Variants in MARCHF1 observed in about 807,000 individuals in gnomAD.
The protein encoded by MARCHF1 is membrane associated ring-CH-type finger 1.
A neutral mutation model predicts 54.2 loss-of-function variants in MARCHF1; 40 were observed. The ratio of observed to expected loss-of-function variants is 0.74; its 90% CI spans 0.57 to 0.96. The LOEUF (loss-of-function observed/expected upper bound fraction) is 0.96. MARCHF1 is among the 40% of genes least tolerant of loss of function. MARCHF1 has a pLI of 0.00. For synonymous variants in MARCHF1, 236 were observed against 236.3 expected (o/e 1.00, Z 0.01); for missense variants, 586 against 656.5 (o/e 0.89, Z 1.17).
intron 1 of MARCHF1, among the ~76,000 whole-genome samples, chr4:164,159,568 G>GA (rs1291666838): frequency 6.6e-6 from 1 of 152,076 alleles, no homozygotes; most frequent in Middle Eastern, 3.2e-3. Flanking sequence ...AAATGATGAG[G>GA]AAAGTAATGT....
chr4:163,987,076 A>G (rs1004789574), intron 3 of MARCHF1, among the ~76,000 whole-genome samples: 5 of 152,224 alleles, frequency 3.3e-5, no homozygotes, highest in African/African-American at 1.2e-4. Flanking sequence ...ACCTATTTGC[A>G]GAATTGATCA....
chr4:164,258,270 ATAGTAT>A (rs996746605), intron 1 of MARCHF1, among the ~76,000 whole-genome samples: 2 of 152,026 alleles, frequency 1.3e-5, no homozygotes, highest in African/African-American at 4.8e-5. Context: ...TAAGAGAGAA[ATAGTAT>A]TAGGAGAAAT....
chr4:163,849,502 G>T (rs1158574716), intron 4 of MARCHF1, among the ~76,000 whole-genome samples: 4 of 152,094 alleles, frequency 2.6e-5, no homozygotes, highest in Non-Finnish European at 5.9e-5. Context: ...TACCAAAGAA[G>T]GAATGCATTT....
At chr4:163,669,676 A>G (rs187641457) in intron 5 of MARCHF1, among the ~76,000 whole-genome samples, 2 of 150,718 alleles carry the variant, frequency 1.3e-5, no homozygotes, top group African/African-American at 2.4e-5. Context: ...TTGGCTCACT[A>G]CAACCTCTGC....
At chr4:164,130,591 C>G (rs562288903) in intron 1 of MARCHF1, among the ~76,000 whole-genome samples, 5 of 152,262 alleles carry the variant, frequency 3.3e-5, no homozygotes, top group Non-Finnish European at 5.9e-5. Flanking sequence ...CTAAACAATG[C>G]TTTGTCCTTA....
chr4:164,172,694 C>T (rs979057365), intron 1 of MARCHF1, among the ~76,000 whole-genome samples: 1 of 152,148 alleles, frequency 6.6e-6, no homozygotes, highest in African/African-American at 2.4e-5. Flanking sequence ...AAAGTCACTA[C>T]AGGCTGGGCG....
intron 3 of MARCHF1, among the ~76,000 whole-genome samples, chr4:163,918,952 T>C (rs756675506): frequency 7.2e-5 from 11 of 152,116 alleles, no homozygotes; most frequent in Non-Finnish European, 1.6e-4. Flanking sequence ...TGAATATATG[T>C]GAAACTAAGA....
chr4:163,981,689 C>G (rs573047038), intron 3 of MARCHF1, among the ~76,000 whole-genome samples: 2 of 152,308 alleles, frequency 1.3e-5, no homozygotes, highest in Admixed American at 1.3e-4. Flanking sequence ...CTGGCATTGT[C>G]AGTGCTCCCT....
intron 5 of MARCHF1, among the ~76,000 whole-genome samples, chr4:163,642,037 C>T (rs895980975): frequency 6.6e-6 from 1 of 152,194 alleles, no homozygotes. Flanking sequence ...CTGCCTCATT[C>T]TTCAGTGATC....
At position 163,736,917 on chromosome 4, in the gene MARCHF1, C is replaced by T. The variant is rs961025204; in HGVS notation, c.112-36054G>A. On this transcript the variant is annotated intron_variant, in intron 4 of 9. Transcript: ENST00000514618. ...TTCCATATCATTTTTTAGTTTTCTC[C>T]CTTAATACTCCAAAGTGAAAAGCCT... Among the ~76,000 whole-genome samples the T allele has an allele frequency of 1.4e-4, 21 of 151,910 alleles. No homozygotes were observed. The East Asian group carries it at 2.3e-3, about 17-fold the overall frequency.
intron 4 of MARCHF1, among the ~76,000 whole-genome samples, chr4:163,765,427 A>AAC (rs1322164294): frequency 6.6e-6 from 1 of 152,126 alleles, no homozygotes; most frequent in African/African-American, 2.4e-5. Flanking sequence ...TGTTAACTAA[A>AAC]CAAAACCACC....
intron 2 of MARCHF1, among the ~76,000 whole-genome samples, chr4:164,007,078 C>A (rs1753307551): frequency 7.0e-6 from 1 of 142,586 alleles, no homozygotes; most frequent in Non-Finnish European, 1.5e-5. Flanking sequence ...GTGGCTCACA[C>A]CTGTAATCCC....
chr4:163,854,584 C>T (rs1490039870), intron 3 of MARCHF1, among the ~76,000 whole-genome samples: 3 of 152,092 alleles, frequency 2.0e-5, no homozygotes, highest in African/African-American at 7.2e-5. Flanking sequence ...GCTAAATGTC[C>T]TACAGAAGCC....
intron 2 of MARCHF1, among the ~76,000 whole-genome samples, chr4:164,083,935 C>A (rs1755148128): frequency 6.6e-6 from 1 of 151,984 alleles, no homozygotes; most frequent in Admixed American, 6.6e-5. Context: ...ACTATTTTAA[C>A]CTAGAGATAT....
At chr4:163,650,226 G>A (rs28526833) in intron 5 of MARCHF1, among the ~76,000 whole-genome samples, 35,750 of 151,818 alleles carry the variant, frequency 0.24, 4,600 homozygotes, top group Non-Finnish European at 0.31. Flanking sequence ...TACATCTTTT[G>A]AAAGTAGTTA....
intron 1 of MARCHF1, among the ~76,000 whole-genome samples, chr4:164,221,186 T>C (rs1732100785): frequency 6.6e-6 from 1 of 152,086 alleles, no homozygotes; most frequent in Non-Finnish European, 1.5e-5. Flanking sequence ...GCATCACTTC[T>C]ACAGTGAAAC....
chr4:163,981,143 G>T (rs1481649610), intron 3 of MARCHF1, among the ~76,000 whole-genome samples: 1 of 151,906 alleles, frequency 6.6e-6, no homozygotes, highest in Non-Finnish European at 1.5e-5. Flanking sequence ...CCAGGTGCCA[G>T]AATTGTTTTT....
chr4:164,280,287 T>A (rs369936382), intron 1 of MARCHF1, among the ~76,000 whole-genome samples: 27 of 152,150 alleles, frequency 1.8e-4, no homozygotes, highest in African/African-American at 5.5e-4. Flanking sequence ...AACTGAAATG[T>A]CAACCTAAGT....
intron 1 of MARCHF1, among the ~76,000 whole-genome samples, chr4:164,165,641 A>T (rs1730360147): frequency 6.6e-6 from 1 of 152,032 alleles, no homozygotes; most frequent in Non-Finnish European, 1.5e-5. Flanking sequence ...TGGTGAAGGT[A>T]GATTACATAT....
Sources: gnomAD v4.1 joint callset for allele counts (sites outside exome capture counted in the v4.1 genomes callset) on GRCh38, gnomAD v4.1.1 for gene constraint, MANE v1.5 for transcripts, NCBI Gene and HGNC (gene_info 2026-07-23, HGNC 2026-07-21) for gene names.